SLC39A11: variants seen among roughly 807,000 people sequenced by gnomAD.
The protein encoded by SLC39A11 is solute carrier family 39 member 11.
In SLC39A11, 33 loss-of-function variants were observed where a neutral mutation model predicts 36.1. That is an observed-to-expected ratio of 0.91 (90% CI 0.69 to 1.22). SLC39A11 has a LOEUF of 1.22. Among genes scored for constraint, SLC39A11 ranks in the 50% most tolerant of loss-of-function variants. SLC39A11 has a pLI of 0.00. For synonymous variants in SLC39A11, 166 were observed against 170.3 expected (o/e 0.97, Z 0.20); for missense variants, 432 against 430.3 (o/e 1.00, Z -0.03).
At chr17:72,989,585 T>C (rs990003239) in intron 4 of SLC39A11, among the ~76,000 whole-genome samples, 1 of 152,266 alleles carries the variant, frequency 6.6e-6, no homozygotes, top group African/African-American at 2.4e-5. Context: ...CAAGAAATTA[T>C]CATTGTATTT....
At position 72,849,643 on chromosome 17, in the gene SLC39A11, T is replaced by C. The variant is rs1351136187; in HGVS notation, c.592A>G (p.Asn198Asp). The stretch of plus-strand genomic sequence containing the variant: ...ACGGGCAAGACCTCACCTGGAACGT[T>C]GTGTATAGTGATGGCCAAGATGAGC... ...ALLILAITIHNVPEGLAVGVG... is the reference protein window; with the variant it reads ...ALLILAITIHDVPEGLAVGVG... Residue 198 changes from asparagine (N) to aspartate (D), a missense_variant, in exon 6 of 10, where the codon AAC becomes GAC. By Grantham distance (23) the Asn-to-Asp change is conservative. Coordinates refer to ENST00000255559, the MANE Select transcript of SLC39A11 (RefSeq NM_139177.4). 33 of 1,553,868 alleles carry C rather than the reference T, an allele frequency of 2.1e-5. No individual in the cohort carries two copies. The highest frequency in any genetic ancestry group is 2.9e-5 in the Non-Finnish European group (33 of 1,152,570).
At chr17:72,927,805 T>TATACACACACACACAC (rs1227152367) in intron 5 of SLC39A11, among the ~76,000 whole-genome samples, 2 of 151,768 alleles carry the variant, frequency 1.3e-5, no homozygotes, top group South Asian at 2.1e-4. Flanking sequence ...GAAGGAAATG[T>TATACACACACACACAC]ATACACACAC....
intron 6 of SLC39A11, among the ~76,000 whole-genome samples, chr17:72,805,471 T>C (rs548496350): frequency 4.7e-4 from 71 of 152,332 alleles, no homozygotes; most frequent in African/African-American, 1.6e-3. Flanking sequence ...ACTTAGCATG[T>C]GGAACTGGCC....
chr17:72,833,796 C>T (rs1463603645), intron 6 of SLC39A11, among the ~76,000 whole-genome samples: 2 of 152,128 alleles, frequency 1.3e-5, no homozygotes, highest in Non-Finnish European at 2.9e-5. Context: ...CATCATGATG[C>T]TCTCGAGCCT....
At chr17:72,796,061 C>G (rs1378660671) in intron 6 of SLC39A11, among the ~76,000 whole-genome samples, 1 of 152,076 alleles carries the variant, frequency 6.6e-6, no homozygotes, top group Non-Finnish European at 1.5e-5. Flanking sequence ...TAATGAAATA[C>G]AAATTCAGAG....
chr17:72,740,056 CTTTTT>C (rs386386565), intron 6 of SLC39A11, among the ~76,000 whole-genome samples: 1,130 of 81,424 alleles, frequency 0.014, 6 homozygotes, highest in African/African-American at 0.019. Flanking sequence ...CTTTCCTTTT[CTTTTT>C]TTTTTTTTTT....
intron 4 of SLC39A11, among the ~76,000 whole-genome samples, chr17:73,007,117 G>A (rs1446212258): frequency 6.6e-6 from 1 of 152,172 alleles, no homozygotes; most frequent in Non-Finnish European, 1.5e-5. Context: ...AGGGGCCACA[G>A]AGAGATTCAA....
intron 3 of SLC39A11, among the ~76,000 whole-genome samples, chr17:73,081,811 AAAT>A (rs1568243952): frequency 1.3e-5 from 2 of 151,280 alleles, no homozygotes; most frequent in Non-Finnish European, 2.9e-5. Context: ...AAAAGGAATG[AAAT>A]AATGGTACTC....
chr17:72,648,196 G>T (rs1479660788), intron 9 of SLC39A11, among the ~76,000 whole-genome samples: 1 of 151,818 alleles, frequency 6.6e-6, no homozygotes, highest in Admixed American at 6.6e-5. Context: ...TGGGCGTAGT[G>T]GTGGTTGCCT....
intron 4 of SLC39A11, among the ~76,000 whole-genome samples, chr17:72,981,264 G>C (rs1024852176): frequency 6.6e-6 from 1 of 151,574 alleles, no homozygotes; most frequent in Admixed American, 6.6e-5. Flanking sequence ...TTTATTTATA[G>C]CCCATCTCAA....
intron 4 of SLC39A11, among the ~76,000 whole-genome samples, chr17:73,006,707 C>T (rs1217728755): frequency 6.6e-6 from 1 of 152,010 alleles, no homozygotes; most frequent in Non-Finnish European, 1.5e-5. Context: ...CAAAAATTAT[C>T]AGGAACACAA....
intron 6 of SLC39A11, among the ~76,000 whole-genome samples, chr17:72,842,774 G>A (rs1222819170): frequency 1.3e-5 from 2 of 152,204 alleles, no homozygotes; most frequent in African/African-American, 4.8e-5. Context: ...CGCCACGGAA[G>A]TAGCTTAGAA....
chr17:72,729,416 TATATATATATATATATATATATATATATA>T (rs1567994172), intron 7 of SLC39A11, among the ~76,000 whole-genome samples: 10 of 2,220 alleles, frequency 4.5e-3, no homozygotes, highest in African/African-American at 0.013. Context: ...TATATATATA[TATATATATATATATATATATATATATATA>T]TATATATATA....
At chr17:72,980,624 T>C (rs569713711) in intron 4 of SLC39A11, among the ~76,000 whole-genome samples, 165 of 152,310 alleles carry the variant, frequency 1.1e-3, no homozygotes, top group African/African-American at 3.8e-3. Flanking sequence ...GTAATACAAG[T>C]AATACAGAAG....
chr17:72,897,551 A>C (rs1420563293), intron 5 of SLC39A11, among the ~76,000 whole-genome samples: 1 of 152,216 alleles, frequency 6.6e-6, no homozygotes, highest in African/African-American at 2.4e-5. Context: ...CCAGAGAGGC[A>C]ACGGGTTTAG....
At chr17:73,011,524 G>C (rs1286327213) in intron 4 of SLC39A11, among the ~76,000 whole-genome samples, 1 of 152,144 alleles carries the variant, frequency 6.6e-6, no homozygotes, top group South Asian at 2.1e-4. Context: ...ACCCTGAACA[G>C]AGAGGTCACC....
intron 3 of SLC39A11, among the ~76,000 whole-genome samples, chr17:73,053,433 A>C (rs191438059): frequency 1.1e-4 from 16 of 152,300 alleles, no homozygotes; most frequent in Admixed American, 2.6e-4. Flanking sequence ...CAAACAGCTC[A>C]TGTGTCTCCC....
intron 4 of SLC39A11, among the ~76,000 whole-genome samples, chr17:72,952,506 A>G (rs535230628): frequency 6.6e-6 from 1 of 152,282 alleles, no homozygotes; most frequent in African/African-American, 2.4e-5. Context: ...CCATCTGCTC[A>G]CTGGGCATGG....
In SLC39A11 at chr17:72,916,359, G is replaced by A. The variant is rs118191790; in HGVS notation, c.430+31393C>T. 5.3e-3 allele frequency among the ~76,000 whole-genome samples: 801 copies of A among 152,182 alleles called. 3 individuals carry two copies. The highest frequency in any genetic ancestry group is 8.9e-3 in the Non-Finnish European group (608 of 67,988). Reference sequence around the variant, plus strand: ...GCCCTAACTCTTGCCACACTGGCTCGGGCAGGCTCTTACACGGTTCCTCCA... The same window carrying A: ...GCCCTAACTCTTGCCACACTGGCTCAGGCAGGCTCTTACACGGTTCCTCCA... On this transcript the variant is annotated intron_variant, in intron 5 of 9. Transcript: ENST00000255559.
Sources: allele counts gnomAD v4.1 joint callset (sites outside exome capture counted in the v4.1 genomes callset), GRCh38; gene constraint gnomAD v4.1.1; transcripts MANE v1.5; gene names NCBI Gene and HGNC (gene_info 2026-07-23, HGNC 2026-07-21).